QRICH1: variants seen among roughly 807,000 people sequenced by gnomAD.
QRICH1 encodes transcriptional regulator QRICH1.
A neutral mutation model predicts 87.1 loss-of-function variants in QRICH1; 16 were observed. The ratio of observed to expected loss-of-function variants is 0.18; its 90% CI spans 0.12 to 0.28. The LOEUF (loss-of-function observed/expected upper bound fraction) is 0.28, where lower values mean the gene tolerates loss of function less well. QRICH1 is among the 10% of genes least tolerant of loss of function. QRICH1 has a pLI of 1.00. For synonymous variants in QRICH1, 367 were observed against 368.4 expected (o/e 1.00, Z 0.05); for missense variants, 647 against 951.7 (o/e 0.68, Z 4.21).
chr3:49,089,209 A>G (rs1338818887), intron 1 of QRICH1, among the ~76,000 whole-genome samples: 1 of 151,730 alleles, frequency 6.6e-6, no homozygotes, highest in Non-Finnish European at 1.5e-5. Context: ...ACAGGCGCCC[A>G]TCACCATGCC....
At chr3:49,070,057 G>A (rs1405560447) in intron 2 of QRICH1, among the ~76,000 whole-genome samples, 2 of 148,956 alleles carry the variant, frequency 1.3e-5, no homozygotes, top group Non-Finnish European at 3.0e-5. Flanking sequence ...TTTTTTTGGA[G>A]ACAGAGTTTC....
chr3:49,094,356 C>T (rs150522251), upstream of QRICH1: 2 of 273,468 alleles, frequency 7.3e-6, no homozygotes, highest in African/African-American at 2.2e-5. Context: ...CCCGCCAGAG[C>T]CTCCTTTGGT....
chr3:49,056,843 C>G lies in QRICH1; in HGVS notation c.1338+19G>C, dbSNP rs1464439954. The stretch of plus-strand genomic sequence containing the variant: ...CTGAGGGACCAGGCTGCCTGCCCTA[C>G]TGATAAGTCTTCACTTACTGAACAA... On this transcript the variant is annotated intron_variant, in intron 3 of 9. Coordinates refer to ENST00000395443, the MANE Select transcript of QRICH1 (RefSeq NM_198880.3). 6.2e-7 allele frequency: 1 copy of G among 1,614,072 alleles called. No homozygotes were observed. Among genetic ancestry groups the G allele is most frequent in the Non-Finnish European group, 8.5e-7 (1 of 1,180,042 alleles).
At position 49,080,758 on chromosome 3, in the gene QRICH1, A is replaced by G. The variant is rs78886545; in HGVS notation, c.-21-3720T>C. On this transcript the variant is annotated intron_variant, in intron 1 of 9. Coordinates refer to ENST00000395443, the MANE Select transcript of QRICH1 (RefSeq NM_198880.3). ...TAGAAACAAGCTTTCTTCAGTATTCAGTATAGAATTCCACCTAGTTTTTGT... is the reference window on the plus strand; with the variant it reads ...TAGAAACAAGCTTTCTTCAGTATTCGGTATAGAATTCCACCTAGTTTTTGT... Among the ~76,000 whole-genome samples the G allele has an allele frequency of 4.0e-3, 602 of 152,070 alleles. 3 individuals are homozygous for G. Among genetic ancestry groups the G allele is most frequent in the Middle Eastern group, 0.017 (5 of 294 alleles).
chr3:49,049,818 T>C (rs1292988966), intron 3 of QRICH1, among the ~76,000 whole-genome samples: 1 of 152,086 alleles, frequency 6.6e-6, no homozygotes. Flanking sequence ...GAGATCTTTA[T>C]ACCCTAAAAA....
intron 2 of QRICH1, among the ~76,000 whole-genome samples, chr3:49,060,218 A>C (rs1233832758): frequency 7.6e-6 from 1 of 131,912 alleles, no homozygotes; most frequent in African/African-American, 2.9e-5. Flanking sequence ...TTTTGAGACC[A>C]AGTCTCGCTC....
intron 3 of QRICH1, among the ~76,000 whole-genome samples, chr3:49,056,457 T>C (rs192094848): frequency 1.3e-5 from 2 of 152,352 alleles, no homozygotes; most frequent in Non-Finnish European, 2.9e-5. Flanking sequence ...GTGATGAGTT[T>C]GTAATCTATG....
At chr3:49,070,617 T>A (rs1420844595) in intron 2 of QRICH1, among the ~76,000 whole-genome samples, 4 of 151,494 alleles carry the variant, frequency 2.6e-5, no homozygotes, top group African/African-American at 9.7e-5. Context: ...TGTTTTTCTG[T>A]AGAGATGAGG....
chr3:49,093,907 C>T lies in QRICH1; in HGVS notation c.-22+5G>A, dbSNP rs986359728. ...CCGCATCCCCACCCGCACTGGAGCCCTCACCCGGCGACGTCACTGCCGCCG... is the reference window on the plus strand; with the variant it reads ...CCGCATCCCCACCCGCACTGGAGCCTTCACCCGGCGACGTCACTGCCGCCG... On this transcript the variant is annotated splice_donor_5th_base_variant and intron_variant, in intron 1 of 9. Coordinates refer to ENST00000395443, the MANE Select transcript of QRICH1 (RefSeq NM_198880.3). 5 of 395,938 alleles carry T rather than the reference C, an allele frequency of 1.3e-5. No homozygotes were observed. In the East Asian group the frequency reaches 1.8e-4, roughly 14 times the overall value. The allele number at this position is 395,938 out of a possible 1,614,324, so 24.5% of individuals were successfully genotyped here.
rs753380857 is a variant in QRICH1, at chr3:49,056,880, T to TTGCTGC, written c.1314_1319dup (p.Gln439_Gln440dup). The TTGCTGC allele has an allele frequency of 6.2e-6, 10 of 1,613,792 alleles. No homozygotes were observed. The East Asian group carries it at 1.8e-4, about 29-fold the overall frequency. On this transcript the variant is annotated inframe_insertion, in exon 3 of 10. Transcript: ENST00000395443. The stretch of plus-strand genomic sequence containing the variant: ...CACTTACTGAACAAGTAACTTGGAG[T>TTGCTGC]TGCTGCTGCTGCTGCTGTGGTGGTG...
At chr3:49,034,783 C>G (rs1051463491) in intron 6 of QRICH1, among the ~76,000 whole-genome samples, 1 of 152,204 alleles carries the variant, frequency 6.6e-6, no homozygotes, top group Non-Finnish European at 1.5e-5. Flanking sequence ...GAATGACTAC[C>G]AAGCCCCTTC....
intron 1 of QRICH1, among the ~76,000 whole-genome samples, chr3:49,080,806 G>C (rs776650185): frequency 1.3e-5 from 2 of 150,670 alleles, no homozygotes; most frequent in African/African-American, 2.4e-5. Flanking sequence ...GGTTTCTTGG[G>C]GGGTTGGGGA....
intron 6 of QRICH1, among the ~76,000 whole-genome samples, chr3:49,041,655 G>C (rs1251335383): frequency 6.6e-6 from 1 of 151,654 alleles, no homozygotes; most frequent in African/African-American, 2.4e-5. Context: ...TTCTGAGACG[G>C]AGTCTCACTC....
chr3:49,039,144 G>A (rs1311840988), intron 6 of QRICH1, among the ~76,000 whole-genome samples: 1 of 152,046 alleles, frequency 6.6e-6, no homozygotes, highest in Non-Finnish European at 1.5e-5. Flanking sequence ...ATCACCTGAG[G>A]TCAGGAGTTC....
At chr3:49,052,130 T>G (rs1261388970) in intron 3 of QRICH1, among the ~76,000 whole-genome samples, 5 of 152,068 alleles carry the variant, frequency 3.3e-5, no homozygotes, top group Non-Finnish European at 7.4e-5. Flanking sequence ...TAGACTATAG[T>G]GGTGGCAGTG....
intron 3 of QRICH1, among the ~76,000 whole-genome samples, chr3:49,050,452 T>A (rs1458553174): frequency 2.1e-5 from 3 of 144,772 alleles, no homozygotes; most frequent in African/African-American, 7.6e-5. Flanking sequence ...AAAAAGAATG[T>A]GCTTGGATTC....
chr3:49,066,331 G>T lies in QRICH1; in HGVS notation c.310-8441C>A, dbSNP rs372848693. ...GAAAAAAAAAGAACCACTACTATTG[G>T]GTTAAACACATAGTATGTTTTTAAA... On this transcript the variant is annotated intron_variant, in intron 2 of 9. Transcript: ENST00000395443. Among the ~76,000 whole-genome samples the T allele has an allele frequency of 1.2e-4, 18 of 151,946 alleles. No individual in the cohort carries two copies. The East Asian group carries it at 2.5e-3, about 21-fold the overall frequency.
chr3:49,062,401 C>A (rs1056676861), intron 2 of QRICH1, among the ~76,000 whole-genome samples: 1 of 128,330 alleles, frequency 7.8e-6, no homozygotes, highest in Non-Finnish European at 1.6e-5. Flanking sequence ...GAGGTAAAGT[C>A]TTGCCCTGTT....
chr3:49,086,322 T>A (rs2042165851), intron 1 of QRICH1, among the ~76,000 whole-genome samples: 1 of 151,482 alleles, frequency 6.6e-6, no homozygotes, highest in South Asian at 2.1e-4. Context: ...AATGGTGCGA[T>A]CTCGGCTCAC....
Sources: gnomAD v4.1 joint callset for allele counts (sites outside exome capture counted in the v4.1 genomes callset) on GRCh38, gnomAD v4.1.1 for gene constraint, MANE v1.5 for transcripts, NCBI Gene and HGNC (gene_info 2026-07-23, HGNC 2026-07-21) for gene names.